The following THADA variants were observed in gnomAD, a reference collection of about 807,000 sequenced individuals.
THADA encodes the protein THADA armadillo repeat containing.
THADA carries 213 observed loss-of-function variants against 219.8 expected under a neutral mutation model. The ratio of observed to expected loss-of-function variants is 0.97; its 90% CI spans 0.87 to 1.09. The LOEUF is 1.09. THADA is among the 50% of genes least tolerant of loss of function. THADA has a pLI of 0.00. For missense variants in THADA, 2,956 were observed against 2,311.3 expected (o/e 1.28, Z -5.72); for synonymous variants, 1,018 against 828.9 (o/e 1.23, Z -3.92).
chr2:43,234,887 G>A (rs927614739), intron 36 of THADA, among the ~76,000 whole-genome samples: 4 of 151,858 alleles, frequency 2.6e-5, no homozygotes, highest in Non-Finnish European at 5.9e-5. Flanking sequence ...TGGCCCGGCT[G>A]GTCTCAAACT....
intron 24 of THADA, among the ~76,000 whole-genome samples, chr2:43,501,512 G>T (rs1688973558): frequency 6.6e-6 from 1 of 152,016 alleles, no homozygotes; most frequent in Admixed American, 6.6e-5. Context: ...TTTTTATTGA[G>T]TTTAACAAGC....
intron 26 of THADA, among the ~76,000 whole-genome samples, chr2:43,466,683 G>C (rs1684276918): frequency 6.6e-6 from 1 of 152,086 alleles, no homozygotes; most frequent in Non-Finnish European, 1.5e-5. Context: ...TCTGTGCCAA[G>C]TACTCTCCTA....
At chr2:43,271,343 G>A (rs572617344) in intron 36 of THADA, among the ~76,000 whole-genome samples, 1 of 152,308 alleles carries the variant, frequency 6.6e-6, no homozygotes, top group East Asian at 1.9e-4. Flanking sequence ...GAAGAAGTCA[G>A]GACTAAGGCA....
At chr2:43,334,599 T>C (rs1459723990) in intron 30 of THADA, among the ~76,000 whole-genome samples, 1 of 152,156 alleles carries the variant, frequency 6.6e-6, no homozygotes, top group Non-Finnish European at 1.5e-5. Context: ...ACACACTGCA[T>C]GCCAACAAAG....
intron 26 of THADA, among the ~76,000 whole-genome samples, chr2:43,456,062 A>G (rs1682959066): frequency 6.6e-6 from 1 of 152,102 alleles, no homozygotes; most frequent in African/African-American, 2.4e-5. Context: ...ACTCATTGAA[A>G]CTCATTTGGT....
At chr2:43,281,156 GGT>G (rs1448326269) in intron 35 of THADA, among the ~76,000 whole-genome samples, 1 of 152,160 alleles carries the variant, frequency 6.6e-6, no homozygotes. Flanking sequence ...TGGAGAACCT[GGT>G]TTCAGAGTCA....
chr2:43,483,208 C>A (rs1467408966), intron 26 of THADA, among the ~76,000 whole-genome samples: 1 of 152,104 alleles, frequency 6.6e-6, no homozygotes, highest in Non-Finnish European at 1.5e-5. Flanking sequence ...AGTAACCAAC[C>A]AAGATATCAT....
chr2:43,538,550 T>A (rs753422463), intron 21 of THADA: 1 of 152,234 alleles, frequency 6.6e-6, no homozygotes, highest in African/African-American at 2.4e-5. Context: ...ACTGTCCTGT[T>A]GCTTGCGAAA....
In THADA at chr2:43,498,617, T is replaced by TA. The variant is rs201128748; in HGVS notation, c.3744+215dup. 1.1e-3 allele frequency among the ~76,000 whole-genome samples: 165 copies of TA among 146,798 alleles called. 1 individual carries two copies. The highest frequency in any genetic ancestry group is 3.4e-3 in the Middle Eastern group (1 of 292). ...TAAACCCTAAAGCAATCAATAAAAT[T>TA]AAAAAAAAAAGAAAGATGGCTAACA... On this transcript the variant is annotated intron_variant, in intron 25 of 37. Coordinates refer to ENST00000405975, the MANE Select transcript of THADA (RefSeq NM_022065.5).
In THADA at chr2:43,540,964, T is replaced by A. The variant is rs567279144; in HGVS notation, c.3264+195A>T. ...GTTATTTATATACCTTAGAAAAAAT[T>A]TCTAAAAATGCCACAGTTTTGAAAT... On this transcript the variant is annotated intron_variant, in intron 21 of 37. Coordinates refer to ENST00000405975, the MANE Select transcript of THADA (RefSeq NM_022065.5). 5.3e-5 allele frequency among the ~76,000 whole-genome samples: 8 copies of A among 152,288 alleles called. No individual in the cohort carries two copies. The South Asian group carries it at 8.3e-4, about 16-fold the overall frequency.
At chr2:43,259,055 G>A (rs896988178) in intron 36 of THADA, among the ~76,000 whole-genome samples, 6 of 151,362 alleles carry the variant, frequency 4.0e-5, no homozygotes, top group African/African-American at 1.5e-4. Context: ...AAGTTCTATG[G>A]TGTTAAAAAA....
intron 26 of THADA, among the ~76,000 whole-genome samples, chr2:43,474,414 AC>A (rs2104974169): frequency 6.6e-6 from 1 of 152,254 alleles, no homozygotes; most frequent in African/African-American, 2.4e-5. Context: ...ACAGCTTTCC[AC>A]TTTGTTTTAG....
At chr2:43,287,090 G>T in intron 34 of THADA, 29 bp from the exon 35 acceptor site, 1 of 1,588,326 alleles carries the variant, frequency 6.3e-7, no homozygotes, top group Non-Finnish European at 8.6e-7. Flanking sequence ...CCTATCAGTA[G>T]TTCAGAAGAT....
At chr2:43,435,439 A>G (rs1679949496) in intron 26 of THADA, among the ~76,000 whole-genome samples, 1 of 149,942 alleles carries the variant, frequency 6.7e-6, no homozygotes, top group Non-Finnish European at 1.5e-5. Context: ...AACCTGGGCA[A>G]CAAGAGACTC....
Position 43,571,736 on chromosome 2 carries a change from G to A in THADA, c.2035C>T (p.Arg679Trp), listed in dbSNP as rs748102303. 33 of 1,613,188 alleles carry A rather than the reference G, an allele frequency of 2.0e-5. No individual in the cohort carries two copies. The highest frequency in any genetic ancestry group is 4.5e-5 in the East Asian group (2 of 44,886). Residue 679 changes from arginine to tryptophan, a missense_variant, in exon 13 of 38, where the codon CGG (arginine) becomes TGG (tryptophan). By Grantham distance (101) the Arg-to-Trp change is moderately radical (BLOSUM62 -3). Coordinates refer to ENST00000405975, the MANE Select transcript of THADA (RefSeq NM_022065.5). ...TTAAGAAGAGAACAGATCTGTTGCC[G>A]CACTCCTGGAGACTGGCTGTTAAGA... ...YNLNSQSPGVRQQICSLLKKL... is the reference protein window; with the variant it reads ...YNLNSQSPGVWQQICSLLKKL...
chr2:43,347,164 A>G (rs1667721726), intron 29 of THADA, among the ~76,000 whole-genome samples: 1 of 152,216 alleles, frequency 6.6e-6, no homozygotes, highest in African/African-American at 2.4e-5. Context: ...GAAGCCGGGC[A>G]GAGATAGGTG....
chr2:43,415,850 G>C (rs1183342889), intron 28 of THADA, among the ~76,000 whole-genome samples: 19 of 152,164 alleles, frequency 1.2e-4, no homozygotes, highest in Admixed American at 1.2e-3. Context: ...TGCTACTTTA[G>C]AGACATGTTC....
At chr2:43,580,193 G>A (rs1574352138) in intron 8 of THADA, among the ~76,000 whole-genome samples, 1 of 149,246 alleles carries the variant, frequency 6.7e-6, no homozygotes, top group South Asian at 2.1e-4. Context: ...CCCAGCTAAT[G>A]TTTTTTTTTG....
chr2:43,236,868 T>C (rs1172440284), intron 36 of THADA, among the ~76,000 whole-genome samples: 3 of 147,006 alleles, frequency 2.0e-5, no homozygotes, highest in African/African-American at 5.1e-5. Context: ...GAGACCATCC[T>C]GGCTAACATA....
Sources: allele counts gnomAD v4.1 joint callset (sites outside exome capture counted in the v4.1 genomes callset), GRCh38; gene constraint gnomAD v4.1.1; transcripts MANE v1.5; gene names NCBI Gene and HGNC (gene_info 2026-07-23, HGNC 2026-07-21).